Variants in NBPF14 observed in about 807,000 individuals in gnomAD.
The protein encoded by NBPF14 is NBPF family member NBPF14.
Under a neutral mutation model 91.2 loss-of-function variants are expected in NBPF14, and 104 were observed. The observed-to-expected ratio is 1.14, with a 90% CI of 0.97 to 1.34. NBPF14 has a LOEUF of 1.34. Among genes scored for constraint, NBPF14 ranks in the 40% most tolerant of loss-of-function variants. The probability of loss-of-function intolerance (pLI) is 0.00; values close to 1 mark genes in which losing one functional copy is unlikely to be tolerated. For synonymous variants in NBPF14, 294 were observed against 303.8 expected (o/e 0.97, Z 0.34); for missense variants, 908 against 783.0 (o/e 1.16, Z -1.91).
chr1:148,590,357 G>A (rs1473957524), intron 6 of NBPF14, among the ~76,000 whole-genome samples: 2,633 of 143,820 alleles, frequency 0.018, 190 homozygotes, highest in African/African-American at 0.023. Context: ...GCTCCCAGCC[G>A]AGACTTATTA....
chr1:148,578,148 G>A (rs1334869041), intron 13 of NBPF14, 114 bp from the exon 14 acceptor site: 4 of 745,704 alleles, frequency 5.4e-6, no homozygotes, highest in Admixed American at 5.3e-5. Context: ...GAGAACAGGA[G>A]ACTTTGAGAG....
At chr1:148,534,692 T>A in exon 69 of NBPF14, 1 of 820,320 alleles carries the variant, frequency 1.2e-6, no homozygotes, top group South Asian at 1.3e-5. Flanking sequence ...ACTGTCCACG[T>A]CAAGAGCCAA....
intron 69 of NBPF14, 41 bp from the exon 70 acceptor site, chr1:148,534,010 T>A: frequency 1.5e-6 from 1 of 680,280 alleles, no homozygotes; most frequent in Non-Finnish European, 2.7e-6. Context: ...TTAAGCTGAT[T>A]CCCCTACACA....
intron 69 of NBPF14, 52 bp downstream of exon 69, chr1:148,534,632 C>G: frequency 1.1e-6 from 1 of 891,932 alleles, no homozygotes; most frequent in South Asian, 1.3e-5. Flanking sequence ...GAATATCACC[C>G]CTATCTGGAA....
At chr1:148,572,317 T>G in intron 21 of NBPF14, 126 bp downstream of exon 21, 4 of 237,434 alleles carry the variant, frequency 1.7e-5, no homozygotes, top group Non-Finnish European at 7.3e-6. Flanking sequence ...ACAACCTATA[T>G]GCGCCCATAG....
intron 70 of NBPF14, 130 bp downstream of exon 70, chr1:148,533,731 C>T: frequency 2.7e-6 from 2 of 741,600 alleles, no homozygotes; most frequent in South Asian, 1.4e-5. Flanking sequence ...CAATGAAAAC[C>T]AACAGCAATG....
chr1:148,566,538 C>CAA (rs1202919267), intron 28 of NBPF14, among the ~76,000 whole-genome samples: 11 of 107,692 alleles, frequency 1.0e-4, no homozygotes, highest in South Asian at 3.0e-4. Context: ...CACACACACA[C>CAA]ACAAACACAC....
chr1:148,565,898 G>A (rs1293359685), intron 29 of NBPF14, among the ~76,000 whole-genome samples: 7 of 2,418 alleles, frequency 2.9e-3, no homozygotes, highest in African/African-American at 3.1e-3. Flanking sequence ...CAGGTCCAAT[G>A]TCATGAGAAT....
intron 70 of NBPF14, 138 bp downstream of exon 70, chr1:148,533,723 A>G: frequency 1.4e-6 from 1 of 731,094 alleles, no homozygotes; most frequent in Non-Finnish European, 2.5e-6. Flanking sequence ...ATCTACTGCA[A>G]TGAAAACCAA....
intron 9 of NBPF14, among the ~76,000 whole-genome samples, chr1:148,585,702 G>A (rs1661406630): frequency 6.7e-6 from 1 of 148,838 alleles, no homozygotes; most frequent in South Asian, 2.2e-4. Flanking sequence ...CCAGTCTGAA[G>A]CACTTCCTAC....
chr1:148,534,532 A>G (rs587636446), intron 69 of NBPF14, among the ~76,000 whole-genome samples, 152 bp downstream of exon 69: 4 of 151,752 alleles, frequency 2.6e-5, no homozygotes, highest in African/African-American at 7.3e-5. Context: ...CTTCCAGCTG[A>G]GACTACAGTT....
At chr1:148,577,565 CACACA>C in intron 14 of NBPF14, among the ~76,000 whole-genome samples, 1 of 150,866 alleles carries the variant, frequency 6.6e-6, no homozygotes, top group African/African-American at 2.5e-5. Context: ...CACACACACA[CACACA>C]CACACACTCA....
chr1:148,533,490 G>C (rs1464393141), intron 70 of NBPF14, among the ~76,000 whole-genome samples: 2 of 151,728 alleles, frequency 1.3e-5, no homozygotes, highest in Non-Finnish European at 2.9e-5. Context: ...GTGACCTAGT[G>C]AATTGGCCAG....
chr1:148,559,351 C>T lies in NBPF14; in HGVS notation c.4730-279G>A, dbSNP rs1286079663. The stretch of plus-strand genomic sequence containing the variant: ...AATGGTTATGCCATATTTTTCCAAT[C>T]GATTTAAAGCAATTGCCCCCAAATG... On this transcript the variant is annotated intron_variant, in intron 37 of 70. Coordinates refer to ENST00000619423, the Ensembl canonical transcript of NBPF14. Among the ~76,000 whole-genome samples the T allele has an allele frequency of 1.4e-4, 18 of 129,358 alleles. 1 individual carries two copies. Among genetic ancestry groups the T allele is most frequent in the Admixed American group, 3.8e-4 (5 of 13,332 alleles). 84.9% of individuals were successfully genotyped at this position (129,358 alleles called of 152,430 possible).
chr1:148,585,428 A>C (rs1263531809), intron 9 of NBPF14, among the ~76,000 whole-genome samples: 1 of 151,878 alleles, frequency 6.6e-6, no homozygotes. Context: ...ACATGTGGCC[A>C]AATATTGAAA....
At chr1:148,533,890 C>A (rs1354597019) in exon 70 of NBPF14, 2 of 759,312 alleles carry the variant, frequency 2.6e-6, no homozygotes, top group Non-Finnish European at 4.8e-6. Flanking sequence ...GATCTTCTTC[C>A]CCTTCTTTTC....
At chr1:148,559,995 G>A in intron 36 of NBPF14, 30 bp from the exon 37 acceptor site, 1 of 1,002,836 alleles carries the variant, frequency 1.0e-6, no homozygotes, top group Non-Finnish European at 1.5e-6. Flanking sequence ...TAAAGAATAA[G>A]CCAGGGGGAA....
chr1:148,535,460 A>C (rs1654964213), exon 68 of NBPF14: 1 of 480,624 alleles, frequency 2.1e-6, no homozygotes, highest in Non-Finnish European at 3.5e-6. Context: ...TACCTGGGGC[A>C]TGATGGGTCT....
At chr1:148,534,299 A>G (rs1254606411) in intron 69 of NBPF14, among the ~76,000 whole-genome samples, 5 of 151,880 alleles carry the variant, frequency 3.3e-5, no homozygotes, top group South Asian at 2.1e-4. Flanking sequence ...TGCAATATTT[A>G]GCCCTGTCTC....
Sources: gnomAD v4.1 joint callset for allele counts (sites outside exome capture counted in the v4.1 genomes callset) on GRCh38, gnomAD v4.1.1 for gene constraint, MANE v1.5 for transcripts, NCBI Gene and HGNC (gene_info 2026-07-23, HGNC 2026-07-21) for gene names.